ELF1: variants seen among roughly 807,000 people sequenced by gnomAD.
ELF1 encodes the protein ETS-related transcription factor Elf-1.
A neutral mutation model predicts 59.9 loss-of-function variants in ELF1; 24 were observed. That is an observed-to-expected ratio of 0.40 (90% CI 0.29 to 0.56). ELF1 has a LOEUF of 0.56. Ranked by LOEUF, ELF1 falls within the 20% of genes least tolerant of loss-of-function variation. The pLI, the probability that ELF1 is intolerant of heterozygous loss-of-function variation, is 0.44. For synonymous variants in ELF1, 248 were observed against 266.2 expected (o/e 0.93, Z 0.67); for missense variants, 627 against 742.2 (o/e 0.84, Z 1.80).
At position 40,950,928 on chromosome 13, in the gene ELF1, A is replaced by G. The variant is rs150702902; in HGVS notation, c.361+401T>C. The stretch of plus-strand genomic sequence containing the variant: ...GAGAACAGGAATTTTAAAGCAGATC[A>G]ATAATGTGGCAGTGAATTTTATGCC... On this transcript the variant is annotated intron_variant, in intron 4 of 8. Coordinates refer to ENST00000239882, the MANE Select transcript of ELF1 (RefSeq NM_172373.4). Among the ~76,000 whole-genome samples, 406 of 152,374 alleles carry G rather than the reference A, an allele frequency of 2.7e-3. 12 individuals carry two copies. In the East Asian group the frequency reaches 0.048, roughly 18 times the overall value.
intron 8 of ELF1, among the ~76,000 whole-genome samples, chr13:40,934,664 C>T (rs1392924233): frequency 6.6e-6 from 1 of 152,082 alleles, no homozygotes; most frequent in Admixed American, 6.6e-5. Context: ...AGGTGATCCA[C>T]CCGCCTCGGC....
intron 5 of ELF1, among the ~76,000 whole-genome samples, chr13:40,947,111 C>T (rs976356474): frequency 4.8e-5 from 7 of 146,916 alleles, no homozygotes; most frequent in Non-Finnish European, 7.4e-5. Flanking sequence ...GGTGAGAGAA[C>T]GAGACTCCAT....
chr13:41,033,856 A>T (rs1876268917), intron 1 of ELF1, among the ~76,000 whole-genome samples: 1 of 152,186 alleles, frequency 6.6e-6, no homozygotes, highest in Admixed American at 6.5e-5. Context: ...AAGAGACAAA[A>T]CTACATTGAT....
intron 3 of ELF1, among the ~76,000 whole-genome samples, chr13:40,951,946 C>T (rs1388441441): frequency 1.3e-5 from 2 of 151,752 alleles, no homozygotes; most frequent in Non-Finnish European, 2.9e-5. Context: ...TTCAAATGTT[C>T]AATTGTGTTA....
intron 1 of ELF1, among the ~76,000 whole-genome samples, chr13:41,013,146 T>C (rs1303604676): frequency 6.6e-6 from 1 of 152,170 alleles, no homozygotes; most frequent in Non-Finnish European, 1.5e-5. Context: ...CAATATACCA[T>C]AGAAAGATTC....
intron 1 of ELF1, among the ~76,000 whole-genome samples, chr13:41,040,569 A>G (rs1337740771): frequency 6.6e-6 from 1 of 152,120 alleles, no homozygotes; most frequent in African/African-American, 2.4e-5. Context: ...TCCTCCTCAG[A>G]TCATCAGGCA....
chr13:40,975,471 G>C (rs1486690725), intron 2 of ELF1, among the ~76,000 whole-genome samples: 2 of 152,088 alleles, frequency 1.3e-5, no homozygotes, highest in Non-Finnish European at 2.9e-5. Flanking sequence ...TAATAAATGT[G>C]AACAACTGTC....
At chr13:41,000,331 C>T (rs1279181672) in intron 1 of ELF1, among the ~76,000 whole-genome samples, 1 of 147,238 alleles carries the variant, frequency 6.8e-6, no homozygotes, top group Non-Finnish European at 1.5e-5. Context: ...AGCAATTCTC[C>T]CGCTGCCTCA....
At chr13:41,052,070 G>A (rs1877112031) in intron 1 of ELF1, among the ~76,000 whole-genome samples, 1 of 151,028 alleles carries the variant, frequency 6.6e-6, no homozygotes, top group Non-Finnish European at 1.5e-5. Context: ...CCTTCAAGTA[G>A]CTGAGATTAC....
At chr13:41,026,107 A>G (rs929634966) in intron 1 of ELF1, among the ~76,000 whole-genome samples, 2 of 152,180 alleles carry the variant, frequency 1.3e-5, no homozygotes, top group African/African-American at 4.8e-5. Flanking sequence ...ATTGGACCTA[A>G]TGAGCAACGA....
intron 1 of ELF1, among the ~76,000 whole-genome samples, chr13:41,016,548 T>C (rs140582834): frequency 6.6e-6 from 1 of 152,138 alleles, no homozygotes; most frequent in Non-Finnish European, 1.5e-5. Context: ...TAAAGTCACA[T>C]GCAAAGTTTT....
At chr13:40,956,571 C>CAAAAAAAAA (rs34245662) in intron 3 of ELF1, among the ~76,000 whole-genome samples, 43 of 76,130 alleles carry the variant, frequency 5.6e-4, no homozygotes, top group East Asian at 1.5e-3. Context: ...CAAGAATGAT[C>CAAAAAAAAA]AAAAAAAAAA....
chr13:41,042,720 T>C (rs1876671431), intron 1 of ELF1, among the ~76,000 whole-genome samples: 1 of 152,230 alleles, frequency 6.6e-6, no homozygotes, highest in Non-Finnish European at 1.5e-5. Flanking sequence ...GATGGACATT[T>C]GGCTTGGTTC....
chr13:40,971,950 TGG>T (rs68132266), intron 2 of ELF1, among the ~76,000 whole-genome samples: 11 of 149,846 alleles, frequency 7.3e-5, no homozygotes, highest in Admixed American at 1.3e-4. Flanking sequence ...AGTTTTTTTT[TGG>T]GGGGGGGTAT....
intron 1 of ELF1, among the ~76,000 whole-genome samples, chr13:41,060,121 GC>G (rs1226117384): frequency 1.3e-5 from 2 of 152,220 alleles, no homozygotes; most frequent in Non-Finnish European, 2.9e-5. Flanking sequence ...TTGCTCAGGC[GC>G]CGCGGGTGGA....
At position 40,951,662 on chromosome 13, in the gene ELF1, G is replaced by A; in HGVS notation, c.254-226C>T. ...GAGGCAAGCAGATTGCTTGAGGTCA[G>A]GAGTCTGAGACTGGCCAACATGGAG... is the stretch of plus-strand genomic sequence containing the variant. On this transcript the variant is annotated intron_variant, in intron 3 of 8. Transcript: ENST00000239882. 9.7e-6 allele frequency: 3 copies of A among 310,256 alleles called. No homozygotes were observed. The South Asian group carries it at 2.4e-4, about 25-fold the overall frequency. The allele number at this position is 310,256 out of a possible 1,614,324, so 19.2% of individuals were successfully genotyped here. A position where few individuals can be genotyped will look rare whatever the true frequency, so the allele number is the denominator to read the frequency against.
intron 3 of ELF1, among the ~76,000 whole-genome samples, chr13:40,955,191 G>C (rs1171409429): frequency 1.3e-5 from 2 of 150,310 alleles, no homozygotes; most frequent in African/African-American, 4.9e-5. Flanking sequence ...CCTCTGAGAA[G>C]TGAGGAGCCC....
intron 1 of ELF1, among the ~76,000 whole-genome samples, chr13:41,032,851 A>G (rs1456466120): frequency 1.2e-3 from 2 of 1,654 alleles, no homozygotes; most frequent in Non-Finnish European, 0.062. Flanking sequence ...CTTGTTTCTA[A>G]AAAAAAAAAA....
chr13:40,997,306 G>A (rs914878993), intron 1 of ELF1, among the ~76,000 whole-genome samples: 2 of 151,926 alleles, frequency 1.3e-5, no homozygotes, highest in Admixed American at 6.6e-5. Flanking sequence ...TGCCCAGGCT[G>A]GAGTGCAGTG....
Sources: gnomAD v4.1 joint callset for allele counts (sites outside exome capture counted in the v4.1 genomes callset) on GRCh38, gnomAD v4.1.1 for gene constraint, MANE v1.5 for transcripts, NCBI Gene and HGNC (gene_info 2026-07-23, HGNC 2026-07-21) for gene names.